CSGALNACT1: variants seen among roughly 807,000 people sequenced by gnomAD.
The protein encoded by CSGALNACT1 is chondroitin sulfate N-acetylgalactosaminyltransferase 1.
CSGALNACT1 carries 52 observed loss-of-function variants against 51.0 expected under a neutral mutation model. The ratio of observed to expected loss-of-function variants is 1.02; its 90% CI spans 0.82 to 1.29. CSGALNACT1 has a LOEUF of 1.29. Among genes scored for constraint, CSGALNACT1 ranks in the 50% most tolerant of loss-of-function variants. The pLI is 0.00. For missense variants in CSGALNACT1, 935 were observed against 679.2 expected (o/e 1.38, Z -4.19); for synonymous variants, 341 against 254.4 (o/e 1.34, Z -3.24).
Position 19,406,852 on chromosome 8 carries a change from G to T in CSGALNACT1, c.1310-783C>A, listed in dbSNP as rs115230504. ...GCCTCCCAAGTAGCTAGGACAACAG[G>T]CACATGTCACCATGCCTGGGTAACT... On this transcript the variant is annotated intron_variant, in intron 9 of 9. Transcript: ENST00000454498. Among the ~76,000 whole-genome samples, 742 of 152,226 alleles carry T rather than the reference G, an allele frequency of 4.9e-3. 5 individuals are homozygous for T. The highest frequency in any genetic ancestry group is 0.017 in the African/African-American group (696 of 41,510).
At chr8:19,438,162 G>A (rs553121342) in intron 6 of CSGALNACT1, among the ~76,000 whole-genome samples, 1 of 150,166 alleles carries the variant, frequency 6.7e-6, no homozygotes, top group African/African-American at 2.4e-5. Flanking sequence ...AGTCACCTGG[G>A]GAGCTGCTTA....
chr8:19,532,113 G>C (rs1317526313), intron 3 of CSGALNACT1: 1 of 151,916 alleles, frequency 6.6e-6, no homozygotes, highest in East Asian at 1.9e-4. Flanking sequence ...TGGTAGGAGA[G>C]CACAGAGCCT....
chr8:19,549,987 A>G (rs987617936), intron 3 of CSGALNACT1, among the ~76,000 whole-genome samples: 3 of 151,936 alleles, frequency 2.0e-5, no homozygotes, highest in African/African-American at 7.3e-5. Flanking sequence ...TTTAATTCAG[A>G]CTTCAATAGA....
At chr8:19,715,297 A>C (rs900527682) in intron 1 of CSGALNACT1, among the ~76,000 whole-genome samples, 1 of 152,026 alleles carries the variant, frequency 6.6e-6, no homozygotes, top group African/African-American at 2.4e-5. Flanking sequence ...CACAATTCAA[A>C]ATGAGATTTG....
At chr8:19,474,124 G>A (rs538429921) in intron 4 of CSGALNACT1, among the ~76,000 whole-genome samples, 1 of 152,214 alleles carries the variant, frequency 6.6e-6, no homozygotes, top group East Asian at 1.9e-4. Flanking sequence ...TGGAGCTTCT[G>A]ATGAGAGATA....
chr8:19,480,893 C>T (rs531489482), intron 4 of CSGALNACT1, among the ~76,000 whole-genome samples: 32 of 152,238 alleles, frequency 2.1e-4, no homozygotes, highest in African/African-American at 7.2e-4. Flanking sequence ...AGTTTCCACC[C>T]GGCATCAACA....
At chr8:19,706,854 T>C (rs1474187201) in intron 1 of CSGALNACT1, among the ~76,000 whole-genome samples, 1 of 152,154 alleles carries the variant, frequency 6.6e-6, no homozygotes, top group African/African-American at 2.4e-5. Context: ...TTTGAACTCA[T>C]GTCCTCAAGT....
At chr8:19,690,982 T>G (rs1269124639) in intron 1 of CSGALNACT1, among the ~76,000 whole-genome samples, 1 of 152,124 alleles carries the variant, frequency 6.6e-6, no homozygotes, top group Non-Finnish European at 1.5e-5. Context: ...ATGCCAGCAC[T>G]TAGGAAGGCC....
At chr8:19,408,734 G>A (rs572380887) in intron 8 of CSGALNACT1, 40 bp from the exon 8 acceptor site, 1 of 1,587,816 alleles carries the variant, frequency 6.3e-7, no homozygotes, top group Admixed American at 1.7e-5. Context: ...AAAGTTTAGG[G>A]TGGACAAAAA....
intron 2 of CSGALNACT1, among the ~76,000 whole-genome samples, chr8:19,591,431 T>TA (rs1351013640): frequency 6.6e-6 from 1 of 152,212 alleles, no homozygotes; most frequent in Non-Finnish European, 1.5e-5. Flanking sequence ...AAGTATACTG[T>TA]AAAAAATCAG....
At chr8:19,575,681 T>C (rs906785836) in intron 3 of CSGALNACT1, among the ~76,000 whole-genome samples, 29 of 152,178 alleles carry the variant, frequency 1.9e-4, no homozygotes, top group Admixed American at 9.8e-4. Flanking sequence ...GTATAATGGC[T>C]TATCAAAAAA....
intron 1 of CSGALNACT1, among the ~76,000 whole-genome samples, chr8:19,695,468 T>C (rs1208909505): frequency 3.3e-5 from 5 of 152,168 alleles, no homozygotes; most frequent in African/African-American, 9.7e-5. Flanking sequence ...CTTCCTTCTA[T>C]AACAAGGAAG....
At chr8:19,721,278 CA>C in intron 1 of CSGALNACT1, among the ~76,000 whole-genome samples, 1 of 152,298 alleles carries the variant, frequency 6.6e-6, no homozygotes, top group East Asian at 1.9e-4. Flanking sequence ...GCCCATGCAA[CA>C]AGCCCAAGTC....
In CSGALNACT1 at chr8:19,562,652, C is replaced by G. The variant is rs1251298980; in HGVS notation, c.-297+28508G>C. On this transcript the variant is annotated intron_variant, in intron 3 of 9. Coordinates refer to ENST00000454498, the Ensembl canonical transcript of CSGALNACT1. Reference sequence around the variant, plus strand: ...GTAGGCAAAGGACACAGACACTTTTCAAAGAAGACAAGAAACATATGAAGA... The same window carrying G: ...GTAGGCAAAGGACACAGACACTTTTGAAAGAAGACAAGAAACATATGAAGA... 1.3e-5 allele frequency among the ~76,000 whole-genome samples: 2 copies of G among 152,078 alleles called. 1 individual carries two copies. The highest frequency in any genetic ancestry group is 4.8e-5 in the African/African-American group (2 of 41,396).
chr8:19,642,968 C>A (rs1275390273), intron 1 of CSGALNACT1, among the ~76,000 whole-genome samples: 2 of 151,958 alleles, frequency 1.3e-5, no homozygotes, highest in African/African-American at 4.8e-5. Context: ...TTTTAAATCC[C>A]ATTACAGGAG....
At chr8:19,530,305 TACACATACACAC>T (rs557504668) in intron 3 of CSGALNACT1, among the ~76,000 whole-genome samples, 23,187 of 149,162 alleles carry the variant, frequency 0.16, 1,907 homozygotes, top group Non-Finnish European at 0.19. Flanking sequence ...CATGAATGTG[TACACATACACAC>T]ACACACACAC....
At chr8:19,485,501 C>A (rs1238228308) in intron 4 of CSGALNACT1, among the ~76,000 whole-genome samples, 1 of 152,102 alleles carries the variant, frequency 6.6e-6, no homozygotes, top group East Asian at 1.9e-4. Context: ...GGAGATAGGA[C>A]ACCCCTGTTG....
intron 5 of CSGALNACT1, among the ~76,000 whole-genome samples, chr8:19,446,758 C>T (rs2062191025): frequency 6.6e-6 from 1 of 152,188 alleles, no homozygotes; most frequent in Non-Finnish European, 1.5e-5. Context: ...GGGTGAGCCA[C>T]TCGCCTTGGC....
intron 1 of CSGALNACT1, among the ~76,000 whole-genome samples, chr8:19,619,130 G>C (rs1351407218): frequency 6.6e-6 from 1 of 151,814 alleles, no homozygotes; most frequent in Non-Finnish European, 1.5e-5. Context: ...GAGGAGCAAA[G>C]GGAAGGAGCA....
Sources: gnomAD v4.1 joint callset for allele counts (sites outside exome capture counted in the v4.1 genomes callset) on GRCh38, gnomAD v4.1.1 for gene constraint, MANE v1.5 for transcripts, NCBI Gene and HGNC (gene_info 2026-07-23, HGNC 2026-07-21) for gene names.